Variants in PRELID2 observed in about 807,000 individuals in gnomAD.
PRELID2 encodes the protein PRELI domain containing 2.
In PRELID2, 25 loss-of-function variants were observed where a neutral mutation model predicts 28.4. The ratio of observed to expected loss-of-function variants is 0.88; its 90% CI spans 0.64 to 1.23. The LOEUF is 1.23. Ranked by LOEUF, PRELID2 falls within the 50% of genes most tolerant of loss-of-function variation. The pLI is 0.00. For missense variants in PRELID2, 201 were observed against 214.4 expected (o/e 0.94, Z 0.39); for synonymous variants, 76 against 71.6 (o/e 1.06, Z -0.31).
chr5:145,556,264 C>A (rs1752879563), intron 1 of PRELID2, among the ~76,000 whole-genome samples: 1 of 151,788 alleles, frequency 6.6e-6, no homozygotes, highest in African/African-American at 2.4e-5. Flanking sequence ...ATTATAAGAG[C>A]CTTATGTGGA....
At chr5:145,765,053 T>C (rs1757665485) in intron 5 of PRELID2, 53 bp from the exon 6 acceptor site, 3 of 1,239,534 alleles carry the variant, frequency 2.4e-6, no homozygotes, top group Non-Finnish European at 2.3e-6. Context: ...GACAAGTACT[T>C]TTACATTTAT....
At chr5:145,617,892 C>T (rs1434848675) in intron 1 of PRELID2, among the ~76,000 whole-genome samples, 2 of 152,040 alleles carry the variant, frequency 1.3e-5, no homozygotes, top group Non-Finnish European at 2.9e-5. Context: ...CACCACCACG[C>T]CCAGCTAATT....
At chr5:145,723,737 G>A (rs183700556) in intron 1 of PRELID2, among the ~76,000 whole-genome samples, 1 of 152,288 alleles carries the variant, frequency 6.6e-6, no homozygotes, top group Non-Finnish European at 1.5e-5. Context: ...CTCATTCATT[G>A]CTGGTGGGAA....
At chr5:145,251,091 C>A in the PRELID2 span, among the ~76,000 whole-genome samples, 1 of 152,030 alleles carries the variant, frequency 6.6e-6, no homozygotes, top group Non-Finnish European at 1.5e-5. Context: ...TTCCCCTAGT[C>A]AGATGTACAT....
At chr5:145,554,702 G>T (rs928424638) in intron 1 of PRELID2, among the ~76,000 whole-genome samples, 1 of 152,194 alleles carries the variant, frequency 6.6e-6, no homozygotes, top group Non-Finnish European at 1.5e-5. Flanking sequence ...AGAAAGCCTT[G>T]TTTTTGAAAA....
At chr5:145,502,324 T>C (rs1028941797) in intron 1 of PRELID2, among the ~76,000 whole-genome samples, 3 of 152,036 alleles carry the variant, frequency 2.0e-5, no homozygotes, top group Admixed American at 6.6e-5. Context: ...ACTGAGAGAA[T>C]TGTGCTAACC....
At chr5:145,556,691 G>A (rs1260962420) in intron 1 of PRELID2, among the ~76,000 whole-genome samples, 4 of 152,230 alleles carry the variant, frequency 2.6e-5, no homozygotes, top group East Asian at 1.9e-4. Context: ...CAAAAGAGCC[G>A]ACAAGGCCCA....
At chr5:145,548,727 C>T (rs1752807790) in intron 1 of PRELID2, among the ~76,000 whole-genome samples, 1 of 152,170 alleles carries the variant, frequency 6.6e-6, no homozygotes, top group African/African-American at 2.4e-5. Flanking sequence ...TCTTGCTGCA[C>T]CTTCAGTCTT....
chr5:145,823,146 T>C lies in PRELID2; in HGVS notation c.76-12A>G. The C allele has an allele frequency of 7.5e-7, 1 of 1,334,098 alleles. No individual in the cohort carries two copies. Among genetic ancestry groups the C allele is most frequent in the African/African-American group, 1.4e-5 (1 of 69,134 alleles). The allele number at this position is 1,334,098 out of a possible 1,614,324, so 82.6% of individuals were successfully genotyped here. On this transcript the variant is annotated splice_polypyrimidine_tract_variant and intron_variant, in intron 1 of 6. Coordinates refer to ENST00000683046, the MANE Select transcript of PRELID2 (RefSeq NM_205846.3). ...ATGGGGTTGGGGTACTAAACAAAAA[T>C]ATATAAAAAAGAATTACCATTAATC... is the stretch of plus-strand genomic sequence containing the variant.
the PRELID2 span, among the ~76,000 whole-genome samples, chr5:145,291,753 T>A: frequency 6.6e-6 from 1 of 152,200 alleles, no homozygotes; most frequent in Non-Finnish European, 1.5e-5. Context: ...ATTGTATAGA[T>A]TTTTATTTTA....
chr5:145,683,969 G>A (rs898832770), intron 1 of PRELID2, among the ~76,000 whole-genome samples: 4 of 152,126 alleles, frequency 2.6e-5, no homozygotes, highest in Non-Finnish European at 2.9e-5. Flanking sequence ...TAAGCAGAGC[G>A]ACACAAAGTT....
chr5:145,804,952 G>C lies in PRELID2; in HGVS notation c.369-8405C>G, dbSNP rs367886529. Among the ~76,000 whole-genome samples the C allele has an allele frequency of 2.6e-5, 4 of 152,260 alleles. No individual in the cohort carries two copies. In the South Asian group the frequency reaches 8.3e-4, roughly 32 times the overall value. On this transcript the variant is annotated intron_variant, in intron 4 of 6. Coordinates refer to ENST00000683046, the MANE Select transcript of PRELID2 (RefSeq NM_205846.3). ...TGGTGTTGATTGTCTGCCCAGTGGA[G>C]GAGGTAGACCCTGAGTCTAGATTGT...
At chr5:145,744,871 T>A (rs6869743) in intron 1 of PRELID2, among the ~76,000 whole-genome samples, 123,429 of 151,966 alleles carry the variant, frequency 0.81, 50,799 homozygotes, top group East Asian at 0.96. Context: ...ATGGAAGAAT[T>A]GACAGAAGTA....
At chr5:145,412,648 T>A in the PRELID2 span, among the ~76,000 whole-genome samples, 1 of 152,228 alleles carries the variant, frequency 6.6e-6, no homozygotes, top group Non-Finnish European at 1.5e-5. Flanking sequence ...CTCTGCCTGT[T>A]ACCCAGTTCT....
chr5:145,283,686 T>C, the PRELID2 span, among the ~76,000 whole-genome samples: 1 of 152,212 alleles, frequency 6.6e-6, no homozygotes, highest in Middle Eastern at 3.2e-3. Context: ...CTTTTATTTA[T>C]GTTGTACAAC....
chr5:145,288,870 C>T, the PRELID2 span, among the ~76,000 whole-genome samples: 2 of 152,062 alleles, frequency 1.3e-5, no homozygotes, highest in Non-Finnish European at 2.9e-5. Flanking sequence ...GCACCATTTG[C>T]TATTCATTTA....
chr5:145,313,866 A>G, the PRELID2 span, among the ~76,000 whole-genome samples: 1 of 152,224 alleles, frequency 6.6e-6, no homozygotes, highest in Non-Finnish European at 1.5e-5. Context: ...TAAAATGGAA[A>G]GAATTCTAGA....
At chr5:145,664,236 G>C (rs925960487) in intron 1 of PRELID2, among the ~76,000 whole-genome samples, 1 of 152,050 alleles carries the variant, frequency 6.6e-6, no homozygotes, top group Non-Finnish European at 1.5e-5. Context: ...GATATTGACA[G>C]GCTTTTGAAA....
chr5:145,829,112 G>A (rs1306861940), intron 1 of PRELID2, among the ~76,000 whole-genome samples: 2 of 151,930 alleles, frequency 1.3e-5, no homozygotes, highest in Non-Finnish European at 2.9e-5. Flanking sequence ...TGTTGCCCAG[G>A]CTGGTCTTGA....
Sources: allele counts gnomAD v4.1 joint callset (sites outside exome capture counted in the v4.1 genomes callset), GRCh38; gene constraint gnomAD v4.1.1; transcripts MANE v1.5; gene names NCBI Gene and HGNC (gene_info 2026-07-23, HGNC 2026-07-21).